Variants in S100Z observed in about 807,000 individuals in gnomAD.
The protein encoded by S100Z is protein S100-Z.
In S100Z, 11 loss-of-function variants were observed where a neutral mutation model predicts 8.5. The ratio of observed to expected loss-of-function variants is 1.30; its 90% CI spans 0.82 to 2.15. S100Z has a LOEUF of 2.15. Among genes scored for constraint, S100Z ranks in the 30% most tolerant of loss-of-function variants. The pLI, the probability that S100Z is intolerant of heterozygous loss-of-function variation, is 0.00. For missense variants in S100Z, 126 were observed against 117.9 expected (o/e 1.07, Z -0.32); for synonymous variants, 34 against 43.8 (o/e 0.78, Z 0.89).
intron 1 of S100Z, among the ~76,000 whole-genome samples, chr5:76,851,127 C>A (rs752870992): frequency 3.3e-5 from 5 of 152,222 alleles, no homozygotes; most frequent in Non-Finnish European, 5.9e-5. Context: ...CAGGGGCACC[C>A]AGAGGCGGAG....
intron 4 of S100Z, among the ~76,000 whole-genome samples, chr5:76,904,708 A>T (rs1188139726): frequency 6.6e-6 from 1 of 151,090 alleles, no homozygotes; most frequent in Non-Finnish European, 1.5e-5. Flanking sequence ...CTGGCTAATT[A>T]AAAAAAATTT....
At chr5:76,878,544 A>C (rs1457736000) in intron 4 of S100Z, among the ~76,000 whole-genome samples, 1 of 152,170 alleles carries the variant, frequency 6.6e-6, no homozygotes, top group Non-Finnish European at 1.5e-5. Context: ...TCCAACCCTG[A>C]GTTTTCTGCA....
chr5:76,909,562 C>T (rs1461309368), intron 4 of S100Z, among the ~76,000 whole-genome samples: 1 of 152,162 alleles, frequency 6.6e-6, no homozygotes, highest in Non-Finnish European at 1.5e-5. Flanking sequence ...CCCCCTTATC[C>T]TAGCCTCCCT....
At chr5:76,891,313 C>G (rs2150661097) in intron 4 of S100Z, among the ~76,000 whole-genome samples, 1 of 152,302 alleles carries the variant, frequency 6.6e-6, no homozygotes, top group African/African-American at 2.4e-5. Context: ...ATAAACTCCA[C>G]CTCATTCAGA....
chr5:76,883,020 A>C (rs1027916569), intron 4 of S100Z, among the ~76,000 whole-genome samples: 1 of 152,158 alleles, frequency 6.6e-6, no homozygotes, highest in East Asian at 1.9e-4. Flanking sequence ...TTGTTTTAGG[A>C]CAGGTAAAAT....
In S100Z at chr5:76,861,619, G is replaced by A. The variant is rs111722313; in HGVS notation, c.-175-8547G>A. Among the ~76,000 whole-genome samples the A allele has an allele frequency of 1.2e-3, 187 of 152,266 alleles. 1 individual carries two copies. Among genetic ancestry groups the A allele is most frequent in the Admixed American group, 4.2e-3 (64 of 15,286 alleles). The stretch of plus-strand genomic sequence containing the variant: ...CTCCCAAAGTGCTGGGATTACAGGC[G>A]TGAGCCACTGTGCCCGGCCAAAGCC... On this transcript the variant is annotated intron_variant, in intron 1 of 4. Transcript: ENST00000317593.
At chr5:76,871,520 CTTTTT>C (rs565094996) in intron 2 of S100Z, among the ~76,000 whole-genome samples, 4 of 125,100 alleles carry the variant, frequency 3.2e-5, no homozygotes, top group Admixed American at 8.2e-5. Flanking sequence ...ATCAGAAACT[CTTTTT>C]TTTTTTTTTT....
chr5:76,900,981 GT>G (rs1387152326), intron 4 of S100Z, among the ~76,000 whole-genome samples: 1 of 151,188 alleles, frequency 6.6e-6, no homozygotes, highest in Non-Finnish European at 1.5e-5. Flanking sequence ...AATTGTAAAG[GT>G]ACCTCCTTGA....
At chr5:76,888,577 C>T (rs574097360) in intron 4 of S100Z, among the ~76,000 whole-genome samples, 69 of 151,848 alleles carry the variant, frequency 4.5e-4, no homozygotes, top group African/African-American at 1.6e-3. Flanking sequence ...GAGGTTTCAC[C>T]GTGTTAGCCA....
rs1466990448 is a variant in S100Z at position 76,919,526 on chromosome 5, T to TCCCTC, written c.*3-1189_*3-1188insCTCCC. Among the ~76,000 whole-genome samples the TCCCTC allele has an allele frequency of 1.1e-4, 14 of 126,026 alleles. No individual in the cohort carries two copies. The South Asian group carries it at 3.6e-3, about 32-fold the overall frequency. 82.7% of individuals were successfully genotyped at this position (126,026 alleles called of 152,430 possible). ...GTTCAGGTCTTCTCTTCTTCTCCCT[T>TCCCTC]CCTCCCTCCCTCCCTCCCTCCCTCC... On this transcript the variant is annotated intron_variant, in intron 4 of 4. Coordinates refer to ENST00000317593, the MANE Select transcript of S100Z (RefSeq NM_130772.4).
intron 1 of S100Z, among the ~76,000 whole-genome samples, chr5:76,862,124 AGTGTGCGTGT>A (rs1413862068): frequency 1.4e-5 from 2 of 138,424 alleles, no homozygotes. Context: ...AGGGATAAGG[AGTGTGCGTGT>A]GTGTGTGTGT....
chr5:76,904,179 A>G (rs1421677894), intron 4 of S100Z, among the ~76,000 whole-genome samples: 2 of 152,110 alleles, frequency 1.3e-5, no homozygotes, highest in South Asian at 2.1e-4. Context: ...TGTTTTACAA[A>G]TATTTGTCCC....
At chr5:76,899,225 A>G (rs755570256) in intron 4 of S100Z, among the ~76,000 whole-genome samples, 98 of 152,038 alleles carry the variant, frequency 6.4e-4, no homozygotes, top group South Asian at 1.9e-3. Flanking sequence ...GAGCCACTGC[A>G]CCCAGCCTCT....
intron 4 of S100Z, among the ~76,000 whole-genome samples, chr5:76,908,262 C>T (rs1203833055): frequency 6.6e-6 from 1 of 152,194 alleles, no homozygotes; most frequent in African/African-American, 2.4e-5. Flanking sequence ...GGAGAGGAAG[C>T]CATTCAGCTT....
intron 4 of S100Z, among the ~76,000 whole-genome samples, chr5:76,906,959 T>C: frequency 7.2e-6 from 1 of 138,430 alleles, no homozygotes; most frequent in African/African-American, 2.8e-5. Context: ...GGCTGAATAG[T>C]ATTCCATTGT....
intron 4 of S100Z, among the ~76,000 whole-genome samples, chr5:76,903,323 C>T (rs1325176448): frequency 4.6e-5 from 7 of 152,154 alleles, no homozygotes. Context: ...TGGAATTAGG[C>T]ATGATGTAGC....
At chr5:76,908,473 GC>G (rs1458159537) in intron 4 of S100Z, among the ~76,000 whole-genome samples, 1 of 152,150 alleles carries the variant, frequency 6.6e-6, no homozygotes, top group Admixed American at 6.6e-5. Context: ...TGTCTCTGGT[GC>G]TTTTCTAGTT....
chr5:76,924,510 C>T (rs142295245), downstream of S100Z, among the ~76,000 whole-genome samples: 802 of 152,258 alleles, frequency 5.3e-3, 10 homozygotes, highest in African/African-American at 0.018. Context: ...ACCCCTGGTC[C>T]TCAGGACCCC....
intron 4 of S100Z, among the ~76,000 whole-genome samples, chr5:76,900,614 G>T (rs1483161825): frequency 6.6e-6 from 1 of 151,972 alleles, no homozygotes; most frequent in African/African-American, 2.4e-5. Context: ...TTGTCTGATA[G>T]AATTCTGAAT....
Sources: allele counts gnomAD v4.1 joint callset (sites outside exome capture counted in the v4.1 genomes callset), GRCh38; gene constraint gnomAD v4.1.1; transcripts MANE v1.5; gene names NCBI Gene and HGNC (gene_info 2026-07-23, HGNC 2026-07-21).